The following PHACTR3 variants were observed in gnomAD, a reference collection of about 807,000 sequenced individuals.
The protein encoded by PHACTR3 is phosphatase and actin regulator 3, also known as protein phosphatase 1, regulatory subunit 123.
PHACTR3 carries 16 observed loss-of-function variants against 66.8 expected under a neutral mutation model. The observed-to-expected ratio is 0.24, with a 90% confidence interval of 0.16 to 0.36. The LOEUF is 0.36. Among genes scored for constraint, PHACTR3 ranks in the 10% least tolerant of loss-of-function variants. The probability of loss-of-function intolerance (pLI) is 1.00; values close to 1 mark genes in which losing one functional copy is unlikely to be tolerated. For synonymous variants in PHACTR3, 323 were observed against 292.1 expected, an observed-to-expected ratio of 1.11 and a Z score of -1.08; for missense variants, 647 against 719.9, an observed-to-expected ratio of 0.90 and a Z score of 1.16.
At chr20:59,755,099 A>G in intron 3 of PHACTR3, 83 bp from the exon 4 acceptor site, 4 of 1,401,540 alleles carry the variant, frequency 2.9e-6, no homozygotes, top group Non-Finnish European at 3.9e-6. Flanking sequence ...TAGAATGGAT[A>G]CTTCTCAGAA....
At chr20:59,723,771 T>C (rs905453323) in intron 1 of PHACTR3, among the ~76,000 whole-genome samples, 1 of 151,888 alleles carries the variant, frequency 6.6e-6, no homozygotes, top group Non-Finnish European at 1.5e-5. Context: ...AGAATGGTCA[T>C]ATGGTGACTC....
At position 59,728,345 on chromosome 20, in the gene PHACTR3, G is replaced by A. The variant is rs140626453; in HGVS notation, c.119-14762G>A. Among the ~76,000 whole-genome samples the A allele has an allele frequency of 1.9e-3, 294 of 152,178 alleles. 2 individuals carry two copies. The highest frequency in any genetic ancestry group is 6.6e-3 in the African/African-American group (274 of 41,522). ...AGTCATTGTGGAAAACAATTGGGTG[G>A]TTCTTGGAAATGTGAAATATAGGAT... On this transcript the variant is annotated intron_variant, in intron 1 of 12. Coordinates refer to ENST00000371015, the MANE Select transcript of PHACTR3 (RefSeq NM_080672.5).
intron 1 of PHACTR3, among the ~76,000 whole-genome samples, chr20:59,597,751 T>C (rs1049575928): frequency 6.6e-6 from 1 of 152,218 alleles, no homozygotes; most frequent in Non-Finnish European, 1.5e-5. Context: ...GTGCAAGGTC[T>C]TTCTCTGCTG....
intron 7 of PHACTR3, among the ~76,000 whole-genome samples, chr20:59,805,781 G>C (rs1050940537): frequency 2.0e-5 from 3 of 152,214 alleles, no homozygotes; most frequent in African/African-American, 7.2e-5. Flanking sequence ...GCAGGTGTCA[G>C]CCGGGACTGT....
chr20:59,651,834 TAG>T lies in PHACTR3; in HGVS notation c.118+46703_118+46704del, dbSNP rs2035468509. ...CAACCAACAGGATCTTTTTGGTAGG[TAG>T]GTAGGTAGGTAGGTAGGTAGGTAGG... On this transcript the variant is annotated intron_variant, in intron 1 of 12. Coordinates refer to ENST00000371015, the MANE Select transcript of PHACTR3 (RefSeq NM_080672.5). 5.7e-5 allele frequency among the ~76,000 whole-genome samples: 5 copies of T among 88,112 alleles called. No homozygotes were observed. The South Asian group carries it at 3.1e-3, about 55-fold the overall frequency. The allele number at this position is 88,112 out of a possible 152,430, so 57.8% of individuals were successfully genotyped here.
intron 1 of PHACTR3, among the ~76,000 whole-genome samples, chr20:59,613,546 G>A (rs1338944378): frequency 6.6e-6 from 1 of 152,198 alleles, no homozygotes; most frequent in Non-Finnish European, 1.5e-5. Flanking sequence ...CTTTTTGTTT[G>A]TTTGTTTGTT....
intron 7 of PHACTR3, among the ~76,000 whole-genome samples, chr20:59,787,092 A>G (rs1335438449): frequency 6.6e-6 from 1 of 152,212 alleles, no homozygotes; most frequent in Non-Finnish European, 1.5e-5. Context: ...TTGCAAAACC[A>G]TGTCCCAGTG....
At chr20:59,678,541 C>G (rs1228490118) in intron 1 of PHACTR3, among the ~76,000 whole-genome samples, 2 of 152,186 alleles carry the variant, frequency 1.3e-5, no homozygotes, top group Admixed American at 6.5e-5. Flanking sequence ...GCTCTTGGTG[C>G]TGAGCCTGTG....
chr20:59,633,409 C>G (rs1230148377), intron 1 of PHACTR3, among the ~76,000 whole-genome samples: 1 of 152,068 alleles, frequency 6.6e-6, no homozygotes, highest in Non-Finnish European at 1.5e-5. Flanking sequence ...GAACAGAAAA[C>G]CAAATACCAC....
intron 1 of PHACTR3, among the ~76,000 whole-genome samples, chr20:59,693,783 T>A (rs1465200949): frequency 6.6e-6 from 1 of 152,184 alleles, no homozygotes; most frequent in African/African-American, 2.4e-5. Context: ...CTGGGATAAC[T>A]GGGATGACTC....
chr20:59,651,373 T>C (rs2035454548), intron 1 of PHACTR3, among the ~76,000 whole-genome samples: 5 of 152,236 alleles, frequency 3.3e-5, no homozygotes, highest in Admixed American at 3.3e-4. Context: ...GTTGCCAAAA[T>C]GGCCTGCCAG....
At chr20:59,827,996 C>T (rs747661962) in intron 8 of PHACTR3, among the ~76,000 whole-genome samples, 66 of 152,266 alleles carry the variant, frequency 4.3e-4, no homozygotes, top group African/African-American at 1.3e-3. Flanking sequence ...AGGATGGTCC[C>T]GGGAGGCAGG....
intron 1 of PHACTR3, among the ~76,000 whole-genome samples, chr20:59,677,593 G>A (rs2036494509): frequency 6.6e-6 from 1 of 152,132 alleles, no homozygotes. Flanking sequence ...AAGGTTTTAT[G>A]TTTTTTTGAC....
intron 1 of PHACTR3, among the ~76,000 whole-genome samples, chr20:59,685,062 GC>G (rs1419422236): frequency 5.3e-5 from 8 of 151,962 alleles, no homozygotes; most frequent in Non-Finnish European, 8.8e-5. Context: ...TGGCTCCAGG[GC>G]CCCCTCTTTC....
At chr20:59,650,766 CAG>C (rs1033268830) in intron 1 of PHACTR3, among the ~76,000 whole-genome samples, 1 of 140,178 alleles carries the variant, frequency 7.1e-6, no homozygotes, top group African/African-American at 2.7e-5. Flanking sequence ...AAAAAAGTCT[CAG>C]GGGTTGGGGG....
chr20:59,657,200 C>T (rs965505516), intron 1 of PHACTR3, among the ~76,000 whole-genome samples: 11 of 151,522 alleles, frequency 7.3e-5, no homozygotes, highest in Non-Finnish European at 8.8e-5. Flanking sequence ...ACTTCCTTTG[C>T]GTTATTGTCA....
At chr20:59,592,728 G>A (rs1474982) in intron 1 of PHACTR3, among the ~76,000 whole-genome samples, 63,983 of 151,994 alleles carry the variant, frequency 0.42, 13,731 homozygotes, top group Middle Eastern at 0.48. Flanking sequence ...CAAGAACAGC[G>A]TAGAGTTGGA....
intron 1 of PHACTR3, among the ~76,000 whole-genome samples, chr20:59,578,714 G>T (rs1436436739): frequency 6.6e-6 from 1 of 152,164 alleles, no homozygotes; most frequent in Non-Finnish European, 1.5e-5. Context: ...CTAGTGCTGG[G>T]GTTGGGAAAC....
At chr20:59,658,953 CTT>C (rs764286425) in intron 1 of PHACTR3, among the ~76,000 whole-genome samples, 14 of 131,224 alleles carry the variant, frequency 1.1e-4, no homozygotes, top group African/African-American at 1.9e-4. Flanking sequence ...GCTTACTTGT[CTT>C]TTTTTTTTTT....
Sources: gnomAD v4.1 joint callset for allele counts (sites outside exome capture counted in the v4.1 genomes callset) on GRCh38, gnomAD v4.1.1 for gene constraint, MANE v1.5 for transcripts, NCBI Gene and HGNC (gene_info 2026-07-23, HGNC 2026-07-21) for gene names.